PPP1R9A: variants seen among roughly 807,000 people sequenced by gnomAD.
The protein encoded by PPP1R9A is neurabin-1.
A neutral mutation model predicts 141.9 loss-of-function variants in PPP1R9A; 59 were observed. The ratio of observed to expected loss-of-function variants is 0.42; its 90% CI spans 0.34 to 0.52. PPP1R9A has a LOEUF of 0.52. PPP1R9A is among the 20% of genes least tolerant of loss of function. The probability of loss-of-function intolerance (pLI) is 0.10; values close to 1 mark genes in which losing one functional copy is unlikely to be tolerated. For missense variants in PPP1R9A, 1,444 were observed against 1,611.9 expected, an observed-to-expected ratio of 0.90 and a Z score of 1.78; for synonymous variants, 500 against 569.7, an observed-to-expected ratio of 0.88 and a Z score of 1.74.
chr7:95,168,877 A>G (rs1351351142), intron 5 of PPP1R9A, among the ~76,000 whole-genome samples: 3 of 152,080 alleles, frequency 2.0e-5, no homozygotes, highest in Non-Finnish European at 2.9e-5. Context: ...TAAAGAGACA[A>G]AAGGTAACAG....
chr7:95,054,119 T>G (rs924023807), intron 2 of PPP1R9A, among the ~76,000 whole-genome samples: 4 of 151,138 alleles, frequency 2.6e-5, no homozygotes, highest in South Asian at 4.2e-4. Flanking sequence ...ACTGTGTTTT[T>G]TTTTTTTTTT....
chr7:95,215,406 A>G (rs935871005), intron 7 of PPP1R9A, among the ~76,000 whole-genome samples: 13 of 152,024 alleles, frequency 8.6e-5, no homozygotes, highest in African/African-American at 3.1e-4. Flanking sequence ...AGTCCTTGCT[A>G]TTGTGAATAG....
chr7:95,266,248 C>CAAA (rs758455974), intron 12 of PPP1R9A, among the ~76,000 whole-genome samples: 19 of 151,912 alleles, frequency 1.3e-4, no homozygotes, highest in African/African-American at 4.4e-4. Flanking sequence ...ACTTAGTAGC[C>CAAA]AAAGCTGTTA....
intron 4 of PPP1R9A, among the ~76,000 whole-genome samples, chr7:95,140,892 A>AT (rs1361911554): frequency 3.3e-5 from 5 of 151,416 alleles, no homozygotes; most frequent in East Asian, 3.9e-4. Flanking sequence ...TTATTTATTT[A>AT]TTTTTTTTAA....
chr7:95,219,445 TC>T (rs1794069207), intron 7 of PPP1R9A, among the ~76,000 whole-genome samples: 1 of 152,164 alleles, frequency 6.6e-6, no homozygotes, highest in Non-Finnish European at 1.5e-5. Flanking sequence ...CAATTATGTG[TC>T]TTGGAGTTGC....
chr7:94,989,032 T>C (rs1801184724), intron 2 of PPP1R9A, among the ~76,000 whole-genome samples: 2 of 152,084 alleles, frequency 1.3e-5, no homozygotes, highest in African/African-American at 4.8e-5. Context: ...GAGGACTCTT[T>C]TAGTCCAGTA....
intron 5 of PPP1R9A, among the ~76,000 whole-genome samples, chr7:95,184,325 T>C (rs1658316490): frequency 6.6e-6 from 1 of 152,202 alleles, no homozygotes; most frequent in Non-Finnish European, 1.5e-5. Flanking sequence ...TGTGTGCATC[T>C]GTTTTTATTT....
At chr7:94,969,678 TGGGA>T (rs1798642386) in intron 2 of PPP1R9A, among the ~76,000 whole-genome samples, 1 of 152,304 alleles carries the variant, frequency 6.6e-6, no homozygotes, top group African/African-American at 2.4e-5. Flanking sequence ...AGCACTGTGC[TGGGA>T]GACTCCCTGC....
In PPP1R9A at chr7:95,268,560, A is replaced by G. The variant is rs568808074; in HGVS notation, c.2676A>G (p.Glu892=). The G allele has an allele frequency of 3.1e-6, 5 of 1,613,198 alleles. No homozygotes were observed. In the Admixed American group the frequency reaches 8.3e-5, roughly 27 times the overall value. Residue 892 remains glutamate (E), a synonymous_variant, in exon 13 of 20, where the codon GAA becomes GAG. Transcript: ENST00000433360. ...TTTCAATATTCTTAGACTTGAATGA[A>G]GCAGTCCCAGAGACAGAGCGCCTGG... ...CQDGLSQDLN[E]AVPETERLDS...
intron 2 of PPP1R9A, among the ~76,000 whole-genome samples, chr7:94,974,727 G>T (rs1377388535): frequency 6.6e-6 from 1 of 152,126 alleles, no homozygotes; most frequent in Admixed American, 6.5e-5. Flanking sequence ...AGTCAAGCTG[G>T]TCTTGACTGG....
chr7:95,277,657 G>T (rs539869159), intron 16 of PPP1R9A, among the ~76,000 whole-genome samples: 1 of 152,138 alleles, frequency 6.6e-6, no homozygotes, highest in Non-Finnish European at 1.5e-5. Context: ...GAACTCCTGG[G>T]CTCAAGCAGT....
At position 95,280,585 on chromosome 7, in the gene PPP1R9A, G is replaced by A. The variant is rs533916946; in HGVS notation, c.3297-3433G>A. 2.5e-3 allele frequency among the ~76,000 whole-genome samples: 374 copies of A among 152,294 alleles called. 2 individuals are homozygous for A. Among genetic ancestry groups the A allele is most frequent in the South Asian group, 0.013 (64 of 4,828 alleles). ...CTCTGAAATGGTATCTTTGGATTATGAGGACGAATTTGAAGCCATTCTTTC... is the reference window on the plus strand; with the variant it reads ...CTCTGAAATGGTATCTTTGGATTATAAGGACGAATTTGAAGCCATTCTTTC... On this transcript the variant is annotated intron_variant, in intron 16 of 19. Coordinates refer to ENST00000433360, the MANE Select transcript of PPP1R9A (RefSeq NM_001166160.2).
chr7:95,042,796 T>C (rs1161481106), intron 2 of PPP1R9A, among the ~76,000 whole-genome samples: 1 of 152,150 alleles, frequency 6.6e-6, no homozygotes, highest in East Asian at 1.9e-4. Flanking sequence ...TTTTGTATCA[T>C]CTACATGTTA....
Position 95,215,363 on chromosome 7 carries a change from C to G in PPP1R9A, c.1957-10598C>G, listed in dbSNP as rs371194353. ...ATATGTGCCACATTTTCTTAATCCA[C>G]TCTATCATTGTTGGACATTTGGGTT... On this transcript the variant is annotated intron_variant, in intron 7 of 19. Coordinates refer to ENST00000433360, the MANE Select transcript of PPP1R9A (RefSeq NM_001166160.2). 6.0e-4 allele frequency among the ~76,000 whole-genome samples: 92 copies of G among 152,068 alleles called. 1 individual carries two copies. Among genetic ancestry groups the G allele is most frequent in the African/African-American group, 2.0e-3 (84 of 41,468 alleles).
At chr7:95,202,604 C>T (rs1221012958) in intron 6 of PPP1R9A, 5 of 912,362 alleles carry the variant, frequency 5.5e-6, no homozygotes, top group African/African-American at 1.8e-5. Flanking sequence ...ATCTCTCAGA[C>T]AATCAGCACT....
At chr7:95,232,485 CA>C (rs1314002815) in intron 8 of PPP1R9A, among the ~76,000 whole-genome samples, 13 of 152,082 alleles carry the variant, frequency 8.5e-5, no homozygotes, top group Non-Finnish European at 1.3e-4. Flanking sequence ...GACTAAAACA[CA>C]AAAAGCAATA....
At position 95,292,275 on chromosome 7, in the gene PPP1R9A, T is replaced by G. The variant is rs935312453; in HGVS notation, c.*1972T>G. On this transcript the variant is annotated 3_prime_UTR_variant, in exon 20 of 20. Transcript: ENST00000433360. ...AGCCACTATTAATGAGTGATACAAT[T>G]TGGCAAAACTTTTCAAATACTAAAA... is the stretch of plus-strand genomic sequence containing the variant. 1 of 152,640 alleles carries G rather than the reference T, an allele frequency of 6.6e-6. No individual in the cohort carries two copies. Among genetic ancestry groups the G allele is most frequent in the African/African-American group, 2.4e-5 (1 of 41,454 alleles). 9.5% of individuals were successfully genotyped at this position (152,640 alleles called of 1,614,324 possible). A position where few individuals can be genotyped will look rare whatever the true frequency, so the allele number is the denominator to read the frequency against.
At position 95,293,095 on chromosome 7, in the gene PPP1R9A, A is replaced by G. The variant is rs964246763; in HGVS notation, c.*2792A>G. 1 of 152,176 alleles carries G rather than the reference A, an allele frequency of 6.6e-6. No homozygotes were observed. The highest frequency in any genetic ancestry group is 1.5e-5 in the Non-Finnish European group (1 of 68,042). The allele number at this position is 152,176 out of a possible 1,614,324, so 9.4% of individuals were successfully genotyped here. ...CTCAGTATGATTCTAACAATAGCCA[A>G]AAGTGTTTTGGGGTATAGGTTATGC... On this transcript the variant is annotated 3_prime_UTR_variant, in exon 20 of 20. Transcript: ENST00000433360.
At chr7:95,041,620 C>CTG (rs1313258143) in intron 2 of PPP1R9A, among the ~76,000 whole-genome samples, 3 of 152,028 alleles carry the variant, frequency 2.0e-5, no homozygotes, top group African/African-American at 7.2e-5. Context: ...ATTGCAAAGG[C>CTG]TGTGCTTCGT....
Sources: gnomAD v4.1 joint callset for allele counts (sites outside exome capture counted in the v4.1 genomes callset) on GRCh38, gnomAD v4.1.1 for gene constraint, MANE v1.5 for transcripts, NCBI Gene and HGNC (gene_info 2026-07-23, HGNC 2026-07-21) for gene names.